Variants in ODAD2 observed in about 807,000 individuals in gnomAD.
The protein encoded by ODAD2 is outer dynein arm docking complex subunit 2.
In ODAD2, 89 loss-of-function variants were observed where a neutral mutation model predicts 106.8. The observed-to-expected ratio is 0.83, with a 90% CI of 0.70 to 0.99. ODAD2 has a LOEUF of 0.99. Among genes scored for constraint, ODAD2 ranks in the 50% least tolerant of loss-of-function variants. The pLI, the probability that ODAD2 is intolerant of heterozygous loss-of-function variation, is 0.00. For synonymous variants in ODAD2, 404 were observed against 436.2 expected (o/e 0.93, Z 0.92); for missense variants, 1,168 against 1,238.5 (o/e 0.94, Z 0.85).
chr10:27,995,888 CA>C (rs1431542275), intron 1 of ODAD2, among the ~76,000 whole-genome samples: 1 of 152,206 alleles, frequency 6.6e-6, no homozygotes, highest in Non-Finnish European at 1.5e-5. Context: ...CTGTAATTCA[CA>C]ACCTTCTTAA....
chr10:27,852,266 G>T (rs1839314048), intron 19 of ODAD2, among the ~76,000 whole-genome samples: 1 of 152,084 alleles, frequency 6.6e-6, no homozygotes, highest in African/African-American at 2.4e-5. Context: ...TAACTATGAA[G>T]GTAAATAGAA....
intron 16 of ODAD2, among the ~76,000 whole-genome samples, chr10:27,914,428 C>T (rs1590003434): frequency 6.6e-6 from 1 of 152,096 alleles, no homozygotes; most frequent in Non-Finnish European, 1.5e-5. Flanking sequence ...ATTAATTATC[C>T]TTGCCTAAAA....
chr10:27,840,895 C>G lies in ODAD2; in HGVS notation c.3021+19730G>C, dbSNP rs560831017. 4.6e-5 allele frequency among the ~76,000 whole-genome samples: 7 copies of G among 152,290 alleles called. No individual in the cohort carries two copies. In the East Asian group the frequency reaches 1.3e-3, roughly 29 times the overall value. On this transcript the variant is annotated intron_variant, in intron 19 of 19. Coordinates refer to ENST00000305242, the MANE Select transcript of ODAD2 (RefSeq NM_018076.5). Reference sequence around the variant, plus strand: ...CATTGCATCTGTAGGACTTTGGATGCATCAGACTGTCGAGCTAAAGCTTCC... The same window carrying G: ...CATTGCATCTGTAGGACTTTGGATGGATCAGACTGTCGAGCTAAAGCTTCC...
At chr10:27,940,373 A>G (rs1263628135) in intron 13 of ODAD2, among the ~76,000 whole-genome samples, 190 bp downstream of exon 13, 1 of 152,128 alleles carries the variant, frequency 6.6e-6, no homozygotes, top group Non-Finnish European at 1.5e-5. Context: ...ATATATATAT[A>G]CATATATGTG....
At chr10:27,880,136 G>A (rs2133552623) in intron 17 of ODAD2, among the ~76,000 whole-genome samples, 1 of 152,214 alleles carries the variant, frequency 6.6e-6, no homozygotes, top group South Asian at 2.1e-4. Context: ...TGAAATCCCT[G>A]TATCTTTAAC....
rs7093861 is a variant in ODAD2 at position 27,935,420 on chromosome 10, C to T, written c.2253-168G>A. On this transcript the variant is annotated intron_variant, in intron 15 of 19. Transcript: ENST00000305242. The stretch of plus-strand genomic sequence containing the variant: ...GTAAATAGTAGAGCTGACGTCTAAC[C>T]CAGCCATCTGCTCCAGACCTGCACC... Among the ~76,000 whole-genome samples the T allele has an allele frequency of 3.5e-3, 537 of 152,152 alleles. 2 individuals are homozygous for T. The highest frequency in any genetic ancestry group is 0.012 in the African/African-American group (511 of 41,504).
chr10:27,879,632 T>C (rs1394532462), intron 17 of ODAD2, among the ~76,000 whole-genome samples: 1 of 152,064 alleles, frequency 6.6e-6, no homozygotes, highest in East Asian at 1.9e-4. Flanking sequence ...CTATATGATG[T>C]ATTATACTCC....
chr10:27,942,317 G>A (rs181004350), intron 12 of ODAD2, among the ~76,000 whole-genome samples: 2 of 152,262 alleles, frequency 1.3e-5, no homozygotes, highest in Admixed American at 6.5e-5. Flanking sequence ...TTAAATGTAC[G>A]TATAGGTCAC....
chr10:27,834,321 G>C (rs968127303), intron 19 of ODAD2, among the ~76,000 whole-genome samples: 9 of 152,148 alleles, frequency 5.9e-5, no homozygotes, highest in African/African-American at 2.2e-4. Flanking sequence ...TGAGTCCAAA[G>C]CTGCTCCAAA....
At chr10:27,973,212 A>ACATACATAC (rs374334142) in intron 7 of ODAD2, among the ~76,000 whole-genome samples, 1 of 148,236 alleles carries the variant, frequency 6.7e-6, no homozygotes, top group African/African-American at 2.5e-5. Flanking sequence ...TGGTCAAAAT[A>ACATACATAC]ATACATACAT....
At chr10:27,852,891 G>A (rs537899009) in intron 19 of ODAD2, among the ~76,000 whole-genome samples, 19 of 149,702 alleles carry the variant, frequency 1.3e-4, no homozygotes, top group Admixed American at 4.7e-4. Flanking sequence ...AACCTGGGAG[G>A]TGGAAGTTGC....
intron 17 of ODAD2, among the ~76,000 whole-genome samples, chr10:27,900,510 C>T (rs550341189): frequency 2.6e-5 from 4 of 152,030 alleles, no homozygotes; most frequent in African/African-American, 4.8e-5. Flanking sequence ...ATAACAAACT[C>T]GTCTGAGCTA....
intron 16 of ODAD2, among the ~76,000 whole-genome samples, chr10:27,924,179 T>C (rs566910013): frequency 6.6e-6 from 1 of 151,954 alleles, no homozygotes; most frequent in Non-Finnish European, 1.5e-5. Context: ...GTCAACACAC[T>C]CTGATCAAAA....
At chr10:27,885,647 ATT>A (rs1368919651) in intron 17 of ODAD2, among the ~76,000 whole-genome samples, 1 of 45,574 alleles carries the variant, frequency 2.2e-5, no homozygotes, top group South Asian at 5.7e-4. Context: ...TATTATATAT[ATT>A]ATATATAATA....
chr10:27,940,670 C>T lies in ODAD2; in HGVS notation c.1879G>A (p.Ala627Thr). ...GGAATGCCCCCAGCTTTGCGGATGG[C>T]TTCTTTATTCGTATGACTCTTACTG... ...SCSKSHTNKE[A>T]IRKAGGIPLL... Residue 627 changes from alanine (A) to threonine (T), a missense_variant, in exon 13 of 20, where the codon GCC (alanine) becomes ACC (threonine). By Grantham distance (58) the Ala-to-Thr change is moderately conservative. This residue lies in a region of ODAD2 where 701 missense variants were observed against 712.3 expected (regional missense o/e 0.98). Transcript: ENST00000305242. 1.9e-6 allele frequency: 3 copies of T among 1,614,094 alleles called. No individual in the cohort carries two copies. Among genetic ancestry groups the T allele is most frequent in the East Asian group, 2.2e-5 (1 of 44,848 alleles).
In ODAD2 at chr10:27,860,767, C is replaced by T. The variant is rs139577934; in HGVS notation, c.2879G>A (p.Gly960Asp). The T allele has an allele frequency of 5.5e-4, 883 of 1,614,032 alleles. No homozygotes were observed. The highest frequency in any genetic ancestry group is 6.8e-4 in the Non-Finnish European group (799 of 1,180,024). ...CMWGRNRVAF[G>D]EHKAVAPLVR... is the part of the protein sequence containing the mutation. ...TAGTGGAGCCACTGCTTTGTGCTCA[C>T]CGAAGGCCACTCTATTCCTGCCCCA... Residue 960 changes from glycine to aspartate, a missense_variant, in exon 19 of 20, where the codon GGT (glycine) becomes GAT (aspartate). Gly to Asp is a moderately conservative substitution (Grantham distance 94). Around this residue, in one of 3 missense-constraint regions of ODAD2, gnomAD observed 701 missense variants for 712.3 expected, o/e 0.98. Transcript: ENST00000305242.
At position 27,854,690 on chromosome 10, in the gene ODAD2, A is replaced by G. The variant is rs370648074; in HGVS notation, c.3021+5935T>C. The stretch of plus-strand genomic sequence containing the variant: ...AGAATTGCTTGAGCCAAGGAGGTAG[A>G]GGTTGCAGTGAGCCCAGATCGCGCC... On this transcript the variant is annotated intron_variant, in intron 19 of 19. Transcript: ENST00000305242. 1.1e-4 allele frequency among the ~76,000 whole-genome samples: 17 copies of G among 152,328 alleles called. No individual in the cohort carries two copies. The East Asian group carries it at 3.1e-3, about 28-fold the overall frequency.
At chr10:27,897,264 A>C (rs1421787325) in intron 17 of ODAD2, among the ~76,000 whole-genome samples, 1 of 151,806 alleles carries the variant, frequency 6.6e-6, no homozygotes, top group African/African-American at 2.4e-5. Context: ...CTACCTCCTA[A>C]AGGCTAATGA....
At chr10:27,886,772 T>C (rs1302202417) in intron 17 of ODAD2, among the ~76,000 whole-genome samples, 1 of 151,996 alleles carries the variant, frequency 6.6e-6, no homozygotes, top group Non-Finnish European at 1.5e-5. Flanking sequence ...AAAGTGGAGT[T>C]GTATACAATT....
Sources: gnomAD v4.1 joint callset for allele counts (sites outside exome capture counted in the v4.1 genomes callset) on GRCh38, gnomAD v4.1.1 for gene constraint, gnomAD v4.1.1 regional missense constraint, MANE v1.5 for transcripts, NCBI Gene and HGNC (gene_info 2026-07-23, HGNC 2026-07-21) for gene names.